Variants in PIGK observed in about 807,000 individuals in gnomAD.
PIGK encodes GPI-anchor transamidase.
Under a neutral mutation model 50.6 loss-of-function variants are expected in PIGK, and 42 were observed. The observed-to-expected ratio is 0.83, with a 90% CI of 0.65 to 1.07. The LOEUF is 1.07. Ranked by LOEUF, PIGK falls within the 50% of genes least tolerant of loss-of-function variation. The pLI is 0.00. For synonymous variants in PIGK, 151 were observed against 156.0 expected, an observed-to-expected ratio of 0.97 and a Z score of 0.24; for missense variants, 448 against 488.7, an observed-to-expected ratio of 0.92 and a Z score of 0.78.
intron 3 of PIGK, among the ~76,000 whole-genome samples, chr1:77,189,689 A>G (rs1398623846): frequency 1.0e-5 from 1 of 98,364 alleles, no homozygotes; most frequent in African/African-American, 3.9e-5. Context: ...AGTTAACAAT[A>G]AACTCATATA....
chr1:77,133,260 T>G (rs1005220726), intron 9 of PIGK, among the ~76,000 whole-genome samples: 2 of 152,154 alleles, frequency 1.3e-5, no homozygotes, highest in Non-Finnish European at 2.9e-5. Context: ...TCTATCATCT[T>G]CTGTATCCAA....
intron 8 of PIGK, among the ~76,000 whole-genome samples, chr1:77,158,413 A>G (rs1311794435): frequency 2.0e-5 from 3 of 152,116 alleles, no homozygotes; most frequent in Admixed American, 2.0e-4. Flanking sequence ...GTACCAGCAG[A>G]GCGGGTTACT....
intron 3 of PIGK, among the ~76,000 whole-genome samples, chr1:77,202,448 A>T (rs918017228): frequency 1.3e-5 from 2 of 152,302 alleles, no homozygotes; most frequent in Non-Finnish European, 1.5e-5. Context: ...AAAGAACTGT[A>T]GGTGAGCGAC....
chr1:77,188,154 T>G (rs1261150191), intron 3 of PIGK, among the ~76,000 whole-genome samples: 1 of 152,194 alleles, frequency 6.6e-6, no homozygotes, highest in Non-Finnish European at 1.5e-5. Flanking sequence ...ACAGCAATTG[T>G]TCAGGGAATA....
intron 10 of PIGK, among the ~76,000 whole-genome samples, chr1:77,116,894 T>C (rs1194723942): frequency 6.6e-6 from 1 of 152,184 alleles, no homozygotes; most frequent in Non-Finnish European, 1.5e-5. Context: ...ATATTGATAA[T>C]ATATCTTTTC....
chr1:77,194,407 T>C (rs1570255437), intron 3 of PIGK, among the ~76,000 whole-genome samples: 1 of 152,076 alleles, frequency 6.6e-6, no homozygotes, highest in East Asian at 1.9e-4. Flanking sequence ...AAATAGTGGA[T>C]TGGATAAAGA....
intron 5 of PIGK, among the ~76,000 whole-genome samples, chr1:77,166,078 G>C (rs1032411986): frequency 6.6e-6 from 1 of 152,008 alleles, no homozygotes; most frequent in Non-Finnish European, 1.5e-5. Flanking sequence ...AAGAGAATTA[G>C]AAAAAGTATT....
chr1:77,146,937 A>G (rs1157812148), intron 9 of PIGK, among the ~76,000 whole-genome samples: 2 of 152,104 alleles, frequency 1.3e-5, no homozygotes, highest in African/African-American at 4.8e-5. Context: ...CATAGGCAAG[A>G]GAGAAAGACC....
chr1:77,096,899 T>TTTG (rs1653421451), intron 10 of PIGK, among the ~76,000 whole-genome samples: 5 of 141,310 alleles, frequency 3.5e-5, no homozygotes, highest in African/African-American at 1.4e-4. Flanking sequence ...TTTTTTTTTG[T>TTTG]TTTTTTGTTT....
At chr1:77,180,039 G>C (rs1655576607) in intron 3 of PIGK, among the ~76,000 whole-genome samples, 1 of 151,588 alleles carries the variant, frequency 6.6e-6, no homozygotes, top group Non-Finnish European at 1.5e-5. Context: ...AAAAAAAGAA[G>C]CTACTCTAAA....
chr1:77,201,739 T>C (rs908164768), intron 3 of PIGK, among the ~76,000 whole-genome samples: 2 of 151,018 alleles, frequency 1.3e-5, no homozygotes, highest in African/African-American at 4.9e-5. Flanking sequence ...AGGCTCTGTC[T>C]CAAATATAAA....
intron 10 of PIGK, among the ~76,000 whole-genome samples, chr1:77,116,258 A>G (rs1653960267): frequency 6.6e-6 from 1 of 151,780 alleles, no homozygotes; most frequent in South Asian, 2.1e-4. Flanking sequence ...ATCTCGGCTC[A>G]CTGAAAGCTC....
At chr1:77,178,112 T>C (rs1029304002) in intron 3 of PIGK, among the ~76,000 whole-genome samples, 5 of 152,342 alleles carry the variant, frequency 3.3e-5, no homozygotes, top group Middle Eastern at 3.4e-3. Flanking sequence ...CTTTTATTTA[T>C]GAAGGATTTT....
At position 77,093,849 on chromosome 1, in the gene PIGK, G is replaced by A. The variant is rs147527430; in HGVS notation, c.1072-1359C>T. Reference sequence around the variant, plus strand: ...CTTGCCCTCTAATATCCTACAAGACGGTAAGTTCGGTGGTTCTCAAACCAT... The same window carrying A: ...CTTGCCCTCTAATATCCTACAAGACAGTAAGTTCGGTGGTTCTCAAACCAT... On this transcript the variant is annotated intron_variant, in intron 10 of 10. Transcript: ENST00000370812. Among the ~76,000 whole-genome samples the A allele has an allele frequency of 2.7e-4, 41 of 152,174 alleles. No homozygotes were observed. The East Asian group carries it at 6.4e-3, about 24-fold the overall frequency.
chr1:77,096,881 C>CTTTTTTTTTTTTTTTTTTTT (rs141858558), intron 10 of PIGK, among the ~76,000 whole-genome samples: 18 of 124,288 alleles, frequency 1.4e-4, no homozygotes, highest in African/African-American at 1.8e-4. Flanking sequence ...TCGGGTTTTT[C>CTTTTTTTTTTTTTTTTTTTT]TTTTTTTTTT....
chr1:77,154,344 A>G (rs888859152), intron 9 of PIGK, 105 bp downstream of exon 9: 3 of 748,558 alleles, frequency 4.0e-6, no homozygotes, highest in Non-Finnish European at 6.7e-6. Context: ...TAAATGTGTA[A>G]TTTTATTTAC....
rs146060507 is a variant in PIGK, at chr1:77,127,618, C to T, written c.987-5259G>A. 2.0e-3 allele frequency among the ~76,000 whole-genome samples: 300 copies of T among 152,088 alleles called. 2 individuals are homozygous for T. The highest frequency in any genetic ancestry group is 6.5e-3 in the African/African-American group (269 of 41,474). ...AACACTGGAAATAAAGCCAACAAAA[C>T]GAACAAGAAAGCAGAGACACTGTGC... On this transcript the variant is annotated intron_variant, in intron 9 of 10. Transcript: ENST00000370812.
intron 1 of PIGK, among the ~76,000 whole-genome samples, chr1:77,212,496 C>T (rs1180351931): frequency 6.6e-6 from 1 of 152,136 alleles, no homozygotes; most frequent in African/African-American, 2.4e-5. Flanking sequence ...CTTGTACACA[C>T]ATCTGTACCT....
chr1:77,218,931 A>G (rs1311561705), intron 1 of PIGK, among the ~76,000 whole-genome samples: 1 of 152,248 alleles, frequency 6.6e-6, no homozygotes, highest in East Asian at 1.9e-4. Flanking sequence ...TGGATTCTTA[A>G]AATTGCCCTC....
Sources: allele counts gnomAD v4.1 joint callset (sites outside exome capture counted in the v4.1 genomes callset), GRCh38; gene constraint gnomAD v4.1.1; transcripts MANE v1.5; gene names NCBI Gene and HGNC (gene_info 2026-07-23, HGNC 2026-07-21).